Variants in UNC5D observed in about 807,000 individuals in gnomAD.
UNC5D encodes unc-5 netrin receptor D, also known as netrin receptor UNC5D.
In UNC5D, 39 loss-of-function variants were observed where a neutral mutation model predicts 105.4. The ratio of observed to expected loss-of-function variants is 0.37; its 90% CI spans 0.29 to 0.48. UNC5D has a LOEUF of 0.48. Among genes scored for constraint, UNC5D ranks in the 20% least tolerant of loss-of-function variants. UNC5D has a pLI of 0.98. For missense variants in UNC5D, 991 were observed against 1,202.4 expected, an observed-to-expected ratio of 0.82 and a Z score of 2.60; for synonymous variants, 452 against 450.4, an observed-to-expected ratio of 1.00 and a Z score of -0.04.
At chr8:35,710,645 G>C (rs1156946192) in intron 8 of UNC5D, among the ~76,000 whole-genome samples, 1 of 152,102 alleles carries the variant, frequency 6.6e-6, no homozygotes, top group Non-Finnish European at 1.5e-5. Context: ...AAAGACCTGA[G>C]GATGGACCCT....
At chr8:35,599,000 G>A (rs920285242) in intron 4 of UNC5D, among the ~76,000 whole-genome samples, 42 of 151,884 alleles carry the variant, frequency 2.8e-4, no homozygotes, top group Admixed American at 9.2e-4. Flanking sequence ...AAAATTAGCC[G>A]GGTGTGGTGG....
At chr8:35,456,814 T>G (rs1255249857) in intron 1 of UNC5D, among the ~76,000 whole-genome samples, 1 of 152,188 alleles carries the variant, frequency 6.6e-6, no homozygotes, top group African/African-American at 2.4e-5. Context: ...TTAGTGAAGT[T>G]CTTTGGCTTG....
intron 16 of UNC5D, among the ~76,000 whole-genome samples, chr8:35,788,943 G>A (rs1254475913): frequency 6.6e-6 from 1 of 151,160 alleles, no homozygotes; most frequent in Non-Finnish European, 1.5e-5. Flanking sequence ...CTTGCCCCTT[G>A]TAGTAGAGAG....
At chr8:35,242,927 T>A (rs188012984) in intron 1 of UNC5D, among the ~76,000 whole-genome samples, 11 of 152,326 alleles carry the variant, frequency 7.2e-5, no homozygotes, top group African/African-American at 2.2e-4. Flanking sequence ...TTTAATTTAG[T>A]GTAATAAACC....
At chr8:35,629,051 G>C (rs771039420) in intron 4 of UNC5D, among the ~76,000 whole-genome samples, 1 of 152,086 alleles carries the variant, frequency 6.6e-6, no homozygotes, top group African/African-American at 2.4e-5. Context: ...TTTATATGCA[G>C]AGTTTCTAAT....
rs559441860 is a variant in UNC5D at position 35,601,419 on chromosome 8, T to G, written c.570+5762T>G. 2.6e-5 allele frequency among the ~76,000 whole-genome samples: 4 copies of G among 152,362 alleles called. No individual in the cohort carries two copies. The East Asian group carries it at 7.7e-4, about 29-fold the overall frequency. On this transcript the variant is annotated intron_variant, in intron 4 of 16. Transcript: ENST00000404895. ...ATGGCCATTTTCATGATATTGATTCTTCTACCCATGAGCATGGAATGTTCT... is the reference window on the plus strand; with the variant it reads ...ATGGCCATTTTCATGATATTGATTCGTCTACCCATGAGCATGGAATGTTCT...
chr8:35,603,063 T>A (rs1820008937), intron 4 of UNC5D, among the ~76,000 whole-genome samples: 1 of 152,190 alleles, frequency 6.6e-6, no homozygotes, highest in South Asian at 2.1e-4. Context: ...TGCTCTGATC[T>A]TAGTTATTTC....
At chr8:35,645,125 ACAT>A (rs1305571292) in intron 4 of UNC5D, among the ~76,000 whole-genome samples, 1 of 152,076 alleles carries the variant, frequency 6.6e-6, no homozygotes, top group Non-Finnish European at 1.5e-5. Context: ...GCAGATTACA[ACAT>A]GTCCATCTAC....
At chr8:35,321,734 C>A (rs1809760985) in intron 1 of UNC5D, among the ~76,000 whole-genome samples, 2 of 152,086 alleles carry the variant, frequency 1.3e-5, no homozygotes, top group Non-Finnish European at 2.9e-5. Flanking sequence ...ACTATATAGG[C>A]AGATTAGGGG....
chr8:35,752,651 C>T (rs1438934977), intron 13 of UNC5D, among the ~76,000 whole-genome samples: 2 of 152,110 alleles, frequency 1.3e-5, no homozygotes, highest in East Asian at 3.9e-4. Context: ...CACTCCCCAC[C>T]CCACAATAAG....
chr8:35,349,144 G>A (rs1812024992), intron 1 of UNC5D, among the ~76,000 whole-genome samples: 1 of 151,884 alleles, frequency 6.6e-6, no homozygotes, highest in Non-Finnish European at 1.5e-5. Context: ...GGCCCCACAA[G>A]TATACTTGAC....
intron 1 of UNC5D, among the ~76,000 whole-genome samples, chr8:35,403,494 T>C (rs1234830304): frequency 6.6e-6 from 1 of 152,226 alleles, no homozygotes; most frequent in Non-Finnish European, 1.5e-5. Flanking sequence ...AAATATACAT[T>C]GTGTGTTCCT....
intron 1 of UNC5D, among the ~76,000 whole-genome samples, chr8:35,492,390 A>G (rs943544443): frequency 2.0e-5 from 3 of 152,140 alleles, no homozygotes; most frequent in African/African-American, 7.2e-5. Flanking sequence ...GAAAATATAT[A>G]AAGAGGGAAA....
chr8:35,769,832 G>A (rs1190573014), intron 15 of UNC5D, among the ~76,000 whole-genome samples: 3 of 151,962 alleles, frequency 2.0e-5, no homozygotes, highest in Admixed American at 1.3e-4. Context: ...GAGTGTTGGC[G>A]GGTGCCTGTA....
chr8:35,548,332 C>T (rs1815852394), intron 1 of UNC5D, among the ~76,000 whole-genome samples: 1 of 152,152 alleles, frequency 6.6e-6, no homozygotes, highest in African/African-American at 2.4e-5. Flanking sequence ...GGCAGTTAAT[C>T]TTGCTATTGA....
intron 15 of UNC5D, among the ~76,000 whole-genome samples, chr8:35,769,574 G>A (rs1439345763): frequency 1.3e-5 from 2 of 152,190 alleles, no homozygotes; most frequent in Non-Finnish European, 2.9e-5. Context: ...GCCTACAAAT[G>A]GATGTCTTGG....
At chr8:35,451,770 T>C (rs1563431820) in intron 1 of UNC5D, among the ~76,000 whole-genome samples, 1 of 152,308 alleles carries the variant, frequency 6.6e-6, no homozygotes, top group East Asian at 1.9e-4. Context: ...TCTAGCTTTA[T>C]CATGTCATGG....
intron 1 of UNC5D, among the ~76,000 whole-genome samples, chr8:35,284,075 C>T (rs1180738285): frequency 1.3e-5 from 2 of 152,098 alleles, no homozygotes; most frequent in Non-Finnish European, 2.9e-5. Context: ...AACAGAAAAT[C>T]TTGGTCTTGG....
At chr8:35,456,617 C>T (rs895729471) in intron 1 of UNC5D, among the ~76,000 whole-genome samples, 6 of 152,246 alleles carry the variant, frequency 3.9e-5, no homozygotes, top group Admixed American at 2.0e-4. Context: ...CTTGTCAAAG[C>T]GTCACTTTGC....
Sources: allele counts gnomAD v4.1 joint callset (sites outside exome capture counted in the v4.1 genomes callset), GRCh38; gene constraint gnomAD v4.1.1; transcripts MANE v1.5; gene names NCBI Gene and HGNC (gene_info 2026-07-23, HGNC 2026-07-21).